MTHFD2L: variants seen among roughly 807,000 people sequenced by gnomAD.
MTHFD2L encodes the protein bifunctional methylenetetrahydrofolate dehydrogenase/cyclohydrolase 2, mitochondrial.
A neutral mutation model predicts 34.9 loss-of-function variants in MTHFD2L; 29 were observed. The observed-to-expected ratio is 0.83, with a 90% CI of 0.62 to 1.13. MTHFD2L has a LOEUF of 1.13. Ranked by LOEUF, MTHFD2L falls within the 50% of genes most tolerant of loss-of-function variation. The pLI, the probability that MTHFD2L is intolerant of heterozygous loss-of-function variation, is 0.00. For missense variants in MTHFD2L, 481 were observed against 446.5 expected (o/e 1.08, Z -0.70); for synonymous variants, 167 against 155.7 (o/e 1.07, Z -0.54).
chr4:74,254,897 G>A (rs888009375), intron 6 of MTHFD2L, among the ~76,000 whole-genome samples: 1 of 152,058 alleles, frequency 6.6e-6, no homozygotes, highest in African/African-American at 2.4e-5. Context: ...CACTTTGGGA[G>A]GCCGAGGTGG....
chr4:74,259,707 C>T (rs1274189905), intron 6 of MTHFD2L, among the ~76,000 whole-genome samples: 1 of 152,148 alleles, frequency 6.6e-6, no homozygotes, highest in Non-Finnish European at 1.5e-5. Context: ...ATGAACGCAA[C>T]AAGCTAAACC....
chr4:74,235,282 T>A (rs1050655300), intron 6 of MTHFD2L, among the ~76,000 whole-genome samples: 1 of 152,126 alleles, frequency 6.6e-6, no homozygotes, highest in Non-Finnish European at 1.5e-5. Flanking sequence ...TCTACACTAA[T>A]ACAGGAGTAG....
chr4:74,250,996 A>G (rs951753291), intron 6 of MTHFD2L, among the ~76,000 whole-genome samples: 1 of 152,168 alleles, frequency 6.6e-6, no homozygotes, highest in Non-Finnish European at 1.5e-5. Flanking sequence ...ACAGAATTTT[A>G]GGGAAATATC....
intron 6 of MTHFD2L, among the ~76,000 whole-genome samples, chr4:74,246,265 A>G (rs1439676123): frequency 6.6e-6 from 1 of 151,924 alleles, no homozygotes; most frequent in East Asian, 1.9e-4. Context: ...TTTTGGCTGC[A>G]TAAATGTCTT....
At chr4:74,284,577 G>C (rs1342800977) in intron 7 of MTHFD2L, among the ~76,000 whole-genome samples, 1 of 151,716 alleles carries the variant, frequency 6.6e-6, no homozygotes, top group Non-Finnish European at 1.5e-5. Context: ...GTAGATTCTG[G>C]ATATTAGCCC....
chr4:74,263,435 A>G (rs558460305), intron 6 of MTHFD2L, among the ~76,000 whole-genome samples: 1 of 152,002 alleles, frequency 6.6e-6, no homozygotes, highest in South Asian at 2.1e-4. Flanking sequence ...CATTTTAATG[A>G]TATTGATTCT....
intron 6 of MTHFD2L, among the ~76,000 whole-genome samples, chr4:74,242,397 C>T (rs548599329): frequency 6.6e-6 from 1 of 152,056 alleles, no homozygotes; most frequent in South Asian, 2.1e-4. Flanking sequence ...CTTATCATTT[C>T]TTTATTTAAA....
intron 2 of MTHFD2L, among the ~76,000 whole-genome samples, chr4:74,175,010 A>G (rs1728754509): frequency 2.0e-5 from 3 of 152,292 alleles, no homozygotes; most frequent in Non-Finnish European, 4.4e-5. Flanking sequence ...TTGGCCTAAT[A>G]GTTGCATGGT....
chr4:74,194,012 T>C (rs895122783), intron 3 of MTHFD2L: 1 of 152,186 alleles, frequency 6.6e-6, no homozygotes, highest in African/African-American at 2.4e-5. Flanking sequence ...TATTTCACTA[T>C]TAAGTAGGAT....
chr4:74,131,660 G>A (rs1452550316), intron 1 of MTHFD2L, among the ~76,000 whole-genome samples: 1 of 152,144 alleles, frequency 6.6e-6, no homozygotes, highest in Non-Finnish European at 1.5e-5. Context: ...TACCATTCAG[G>A]ACACAGGCAT....
upstream of MTHFD2L, among the ~76,000 whole-genome samples, chr4:74,120,075 G>A (rs538312012): frequency 5.3e-5 from 8 of 152,292 alleles, no homozygotes; most frequent in South Asian, 1.5e-3. Flanking sequence ...CATATCATTC[G>A]TAGTGGCTAA....
intron 5 of MTHFD2L, among the ~76,000 whole-genome samples, chr4:74,224,309 C>T (rs1578527466): frequency 6.6e-6 from 1 of 152,064 alleles, no homozygotes; most frequent in South Asian, 2.1e-4. Context: ...AGAGATCTGC[C>T]GCTGCCGGCC....
intron 1 of MTHFD2L, among the ~76,000 whole-genome samples, chr4:74,130,256 T>C (rs1722383864): frequency 6.6e-6 from 1 of 152,108 alleles, no homozygotes; most frequent in South Asian, 2.1e-4. Flanking sequence ...ATCACCCTGA[T>C]ACCAAAACCT....
At chr4:74,293,323 C>T (rs1005878835) in intron 7 of MTHFD2L, among the ~76,000 whole-genome samples, 1 of 151,966 alleles carries the variant, frequency 6.6e-6, no homozygotes, top group African/African-American at 2.4e-5. Flanking sequence ...TGTTAGTTTG[C>T]TGAGAATGAT....
chr4:74,294,487 T>A (rs1749387121), intron 7 of MTHFD2L, among the ~76,000 whole-genome samples: 1 of 152,100 alleles, frequency 6.6e-6, no homozygotes, highest in South Asian at 2.1e-4. Flanking sequence ...GGATTGATGG[T>A]GCCAGAAGAT....
chr4:74,166,527 A>G (rs144853112), intron 1 of MTHFD2L, among the ~76,000 whole-genome samples: 8 of 152,356 alleles, frequency 5.3e-5, no homozygotes, highest in African/African-American at 7.2e-5. Flanking sequence ...ACTGATTACA[A>G]TTCACTAAAA....
At chr4:74,215,658 CCTT>C (rs902474921) in intron 5 of MTHFD2L, among the ~76,000 whole-genome samples, 2 of 151,790 alleles carry the variant, frequency 1.3e-5, no homozygotes, top group Admixed American at 6.6e-5. Flanking sequence ...TTGCCAGTCA[CCTT>C]CTTGTTACTA....
chr4:74,129,496 T>G (rs1435597119), intron 1 of MTHFD2L, among the ~76,000 whole-genome samples: 1 of 150,638 alleles, frequency 6.6e-6, no homozygotes, highest in East Asian at 1.9e-4. Context: ...GATAACTAAA[T>G]GAAACAAAGG....
intron 7 of MTHFD2L, among the ~76,000 whole-genome samples, chr4:74,286,203 CTAACT>C (rs1369811889): frequency 6.6e-6 from 1 of 152,176 alleles, no homozygotes; most frequent in Non-Finnish European, 1.5e-5. Flanking sequence ...TTCCTCCCTC[CTAACT>C]TATGTCATTA....
Sources: allele counts gnomAD v4.1 joint callset (sites outside exome capture counted in the v4.1 genomes callset), GRCh38; gene constraint gnomAD v4.1.1; transcripts MANE v1.5; gene names NCBI Gene and HGNC (gene_info 2026-07-23, HGNC 2026-07-21).